Variants in DLG1 observed in about 807,000 individuals in gnomAD.
DLG1 encodes disks large homolog 1.
A neutral mutation model predicts 123.4 loss-of-function variants in DLG1; 42 were observed. That is an observed-to-expected ratio of 0.34 (90% CI 0.27 to 0.44). The LOEUF (loss-of-function observed/expected upper bound fraction) is 0.44, where lower values mean the gene tolerates loss of function less well. Among genes scored for constraint, DLG1 ranks in the 20% least tolerant of loss-of-function variants. The pLI, the probability that DLG1 is intolerant of heterozygous loss-of-function variation, is 1.00. For synonymous variants in DLG1, 317 were observed against 356.2 expected (o/e 0.89, Z 1.24); for missense variants, 942 against 1,082.6 (o/e 0.87, Z 1.82).
intron 13 of DLG1, among the ~76,000 whole-genome samples, chr3:197,110,722 C>T (rs1769461639): frequency 6.6e-6 from 1 of 152,154 alleles, no homozygotes; most frequent in East Asian, 1.9e-4. Context: ...TTGTGTGTGG[C>T]CACTGAGGTC....
chr3:197,100,553 T>C (rs1762906860), intron 14 of DLG1, among the ~76,000 whole-genome samples: 2 of 152,226 alleles, frequency 1.3e-5, no homozygotes. Flanking sequence ...TAATGCTTTC[T>C]GAACAAAAGA....
chr3:197,260,366 A>G, intron 4 of DLG1: 1 of 370,336 alleles, frequency 2.7e-6, no homozygotes. Context: ...TGTAAATAAA[A>G]ATAAATAAAG....
At chr3:197,089,519 C>T (rs1474532695) in intron 15 of DLG1, among the ~76,000 whole-genome samples, 2 of 147,484 alleles carry the variant, frequency 1.4e-5, no homozygotes, top group Non-Finnish European at 3.0e-5. Context: ...AAAGTGAGAC[C>T]CTGTCTTTAA....
intron 5 of DLG1, among the ~76,000 whole-genome samples, chr3:197,193,504 A>G (rs575975712): frequency 6.6e-6 from 1 of 152,342 alleles, no homozygotes; most frequent in East Asian, 1.9e-4. Flanking sequence ...TTTTTACACT[A>G]GTAATAACCT....
At chr3:197,239,807 T>C (rs1307189362) in intron 4 of DLG1, among the ~76,000 whole-genome samples, 1 of 138,110 alleles carries the variant, frequency 7.2e-6, no homozygotes, top group African/African-American at 2.7e-5. Context: ...CCAGAACTCA[T>C]ATGAAGATGC....
intron 11 of DLG1, among the ~76,000 whole-genome samples, chr3:197,128,992 C>A (rs1428489527): frequency 6.6e-6 from 1 of 152,268 alleles, no homozygotes; most frequent in East Asian, 1.9e-4. Flanking sequence ...GGCAGACAGG[C>A]TTAGCATAAT....
At chr3:197,254,279 T>C (rs1755829844) in intron 4 of DLG1, among the ~76,000 whole-genome samples, 1 of 152,194 alleles carries the variant, frequency 6.6e-6, no homozygotes, top group African/African-American at 2.4e-5. Flanking sequence ...AGTCTCACAG[T>C]TCATACACCC....
chr3:197,229,783 C>T (rs913437739), intron 4 of DLG1, among the ~76,000 whole-genome samples: 2 of 152,160 alleles, frequency 1.3e-5, no homozygotes, highest in African/African-American at 2.4e-5. Context: ...CCTTAACAAG[C>T]GTAATCGCCT....
chr3:197,145,278 A>T (rs1204810233), intron 6 of DLG1, among the ~76,000 whole-genome samples: 7 of 152,176 alleles, frequency 4.6e-5, no homozygotes, highest in Non-Finnish European at 1.5e-5. Context: ...AGACTTGCTA[A>T]AAGTCTATCA....
intron 4 of DLG1, among the ~76,000 whole-genome samples, chr3:197,270,749 GCAC>G (rs1763585346): frequency 6.6e-6 from 1 of 152,030 alleles, no homozygotes; most frequent in Non-Finnish European, 1.5e-5. Context: ...ATCCAACTCA[GCAC>G]CACAAGAGCA....
At chr3:197,182,728 AT>A (rs748070832) in intron 5 of DLG1, among the ~76,000 whole-genome samples, 15 of 152,086 alleles carry the variant, frequency 9.9e-5, no homozygotes, top group Non-Finnish European at 2.2e-4. Context: ...TCGTCCTTTT[AT>A]TTTTACTAAA....
intron 18 of DLG1, among the ~76,000 whole-genome samples, chr3:197,072,154 C>T (rs1744339205): frequency 6.6e-6 from 1 of 152,060 alleles, no homozygotes; most frequent in African/African-American, 2.4e-5. Context: ...AATCATACTT[C>T]ATTAGGCACT....
intron 14 of DLG1, among the ~76,000 whole-genome samples, chr3:197,103,189 C>CTCTA: frequency 6.6e-6 from 1 of 152,256 alleles, no homozygotes; most frequent in South Asian, 2.1e-4. Context: ...GAGTCTTTAC[C>CTCTA]TCTACTTGGT....
At chr3:197,260,692 T>C (rs1039781213) in intron 4 of DLG1, among the ~76,000 whole-genome samples, 2 of 121,216 alleles carry the variant, frequency 1.6e-5, no homozygotes, top group Non-Finnish European at 3.2e-5. Context: ...TCCCCCGATA[T>C]AAATTTAAAT....
At chr3:197,064,390 A>C (rs1286229421) in intron 22 of DLG1, among the ~76,000 whole-genome samples, 1 of 145,886 alleles carries the variant, frequency 6.9e-6, no homozygotes, top group Non-Finnish European at 1.5e-5. Flanking sequence ...ACGGGGTTTC[A>C]CCATGTTGGC....
At chr3:197,139,011 C>T (rs888294227) in intron 8 of DLG1, among the ~76,000 whole-genome samples, 4 of 152,096 alleles carry the variant, frequency 2.6e-5, no homozygotes, top group African/African-American at 9.7e-5. Context: ...ATATATTAGA[C>T]ATAAAACAAT....
chr3:197,238,242 C>A (rs772204991), intron 4 of DLG1, among the ~76,000 whole-genome samples: 4 of 152,074 alleles, frequency 2.6e-5, no homozygotes, highest in Non-Finnish European at 4.4e-5. Flanking sequence ...GTCGAAGTTT[C>A]CCTTGAAAAT....
At chr3:197,296,955 G>GGT in intron 2 of DLG1, 1 of 548,748 alleles carries the variant, frequency 1.8e-6, no homozygotes, top group Non-Finnish European at 3.2e-6. Flanking sequence ...ACATCTGTTG[G>GGT]GGGGGGGCTA....
At chr3:197,159,903 T>C (rs574584497) in intron 5 of DLG1, among the ~76,000 whole-genome samples, 24 of 152,352 alleles carry the variant, frequency 1.6e-4, no homozygotes, top group Non-Finnish European at 1.5e-5. Context: ...CTTAGTTTGC[T>C]GTCTCAGAGA....
Sources: gnomAD v4.1 joint callset for allele counts (sites outside exome capture counted in the v4.1 genomes callset) on GRCh38, gnomAD v4.1.1 for gene constraint, MANE v1.5 for transcripts, NCBI Gene and HGNC (gene_info 2026-07-23, HGNC 2026-07-21) for gene names.